The following VPS13A variants were observed in gnomAD, a reference collection of about 807,000 sequenced individuals.
VPS13A encodes intermembrane lipid transfer protein VPS13A.
Under a neutral mutation model 390.9 loss-of-function variants are expected in VPS13A, and 264 were observed. The ratio of observed to expected loss-of-function variants is 0.68; its 90% CI spans 0.61 to 0.75. VPS13A has a LOEUF of 0.75. Among genes scored for constraint, VPS13A ranks in the 30% least tolerant of loss-of-function variants. VPS13A has a pLI of 0.00. For missense variants in VPS13A, 3,409 were observed against 3,733.9 expected (o/e 0.91, Z 2.27); for synonymous variants, 1,231 against 1,227.1 (o/e 1.00, Z -0.07).
At chr9:77,339,938 C>T (rs199682533) in intron 48 of VPS13A, 27 bp downstream of exon 48, 2 of 1,603,212 alleles carry the variant, frequency 1.2e-6, no homozygotes, top group East Asian at 4.5e-5. Context: ...CTGTTTTTCC[C>T]TTGTCTTTAG....
At position 77,221,222 on chromosome 9, in the gene VPS13A, G is replaced by A. The variant is rs1183895122; in HGVS notation, c.1027G>A (p.Val343Ile). The A allele has an allele frequency of 1.2e-6, 2 of 1,613,442 alleles. No individual in the cohort carries two copies. Among genetic ancestry groups the A allele is most frequent in the Middle Eastern group, 1.7e-4 (1 of 6,050 alleles). Residue 343 changes from valine (V) to isoleucine (I), a missense_variant, in exon 13 of 72, where the codon GTT (valine) becomes ATT (isoleucine). Physicochemically the swap from Val to Ile is conservative, Grantham distance 29 (BLOSUM62 3). Around this residue, in one of 5 missense-constraint regions of VPS13A, gnomAD observed 2,717 missense variants for 2,917.4 expected, o/e 0.93. Transcript: ENST00000360280. The stretch of plus-strand genomic sequence containing the variant: ...TATACATGGCGTTCTTGAAGTAAAT[G>A]TTTGCCCCAGGTTATGGATGTGGTC... ...YAIHGVLEVN[V>I]CPRLWMWSWK...
chr9:77,329,293 T>G (rs1212936950), intron 45 of VPS13A, among the ~76,000 whole-genome samples: 1 of 152,224 alleles, frequency 6.6e-6, no homozygotes, highest in Non-Finnish European at 1.5e-5. Context: ...TTCAAAAACT[T>G]TTCCTTTGCA....
At chr9:77,200,285 G>A (rs964583725) in intron 2 of VPS13A, among the ~76,000 whole-genome samples, 2 of 152,078 alleles carry the variant, frequency 1.3e-5, no homozygotes, top group South Asian at 2.1e-4. Context: ...TCAGTAGTTC[G>A]AGACTAGCCT....
Position 77,226,751 on chromosome 9 carries a change from T to A in VPS13A, c.1357+153T>A, listed in dbSNP as rs567242654. On this transcript the variant is annotated intron_variant, in intron 15 of 71. Coordinates refer to ENST00000360280, the MANE Select transcript of VPS13A (RefSeq NM_033305.3). ...AATAAAACTATTAAAACATTGAAAA[T>A]GTGTATTAGTTTAAAAATAAAAAAT... Among the ~76,000 whole-genome samples the A allele has an allele frequency of 2.6e-5, 4 of 152,074 alleles. No individual in the cohort carries two copies. The East Asian group carries it at 5.8e-4, about 22-fold the overall frequency.
chr9:77,370,674 A>C, intron 65 of VPS13A, 96 bp downstream of exon 65: 2 of 1,551,920 alleles, frequency 1.3e-6, no homozygotes, highest in Non-Finnish European at 1.8e-6. Flanking sequence ...CTCACTCCTT[A>C]AATTATTATT....
intron 31 of VPS13A, among the ~76,000 whole-genome samples, chr9:77,287,453 A>C (rs1827399723): frequency 6.6e-6 from 1 of 152,120 alleles, no homozygotes. Context: ...TCGGTCTCCC[A>C]AAGTGCTGTG....
rs570784701 is a variant in VPS13A at position 77,182,846 on chromosome 9, A to T, written c.100+5042A>T. On this transcript the variant is annotated intron_variant, in intron 1 of 71. Transcript: ENST00000360280. ...ATACGTATTCTGTTTTTGAAATGTT[A>T]ATCTCCCAGTTTTCCCTTTATAATA... Among the ~76,000 whole-genome samples, 3 of 152,268 alleles carry T rather than the reference A, an allele frequency of 2.0e-5. No individual in the cohort carries two copies. In the South Asian group the frequency reaches 6.2e-4, roughly 32 times the overall value.
intron 51 of VPS13A, among the ~76,000 whole-genome samples, 193 bp downstream of exon 51, chr9:77,344,474 G>A (rs1348522811): frequency 1.3e-5 from 2 of 152,042 alleles, no homozygotes; most frequent in Non-Finnish European, 2.9e-5. Context: ...AAAGTTAGTT[G>A]GGGCCGGGTG....
intron 39 of VPS13A, among the ~76,000 whole-genome samples, chr9:77,316,689 T>C (rs576774987): frequency 5.3e-4 from 81 of 152,234 alleles, no homozygotes; most frequent in South Asian, 4.8e-3. Context: ...TTTCTAACCA[T>C]GTCAATTCCA....
At position 77,220,083 on chromosome 9, in the gene VPS13A, T is replaced by G. The variant is rs1219455303; in HGVS notation, c.882+2T>G. ...GCAATTGAATTTAATAAACCACAGGTGATTTTCTTTAATATAATTTTCAAT... is the reference window on the plus strand; with the variant it reads ...GCAATTGAATTTAATAAACCACAGGGGATTTTCTTTAATATAATTTTCAAT... On this transcript the variant is annotated splice_donor_variant, in intron 11 of 71. Transcript: ENST00000360280. LOFTEE classifies it high-confidence loss of function. 6.2e-7 allele frequency: 1 copy of G among 1,602,340 alleles called. No individual in the cohort carries two copies.
chr9:77,384,616 C>G, intron 68 of VPS13A: 1 of 1,610,624 alleles, frequency 6.2e-7, no homozygotes, highest in Non-Finnish European at 8.5e-7. Context: ...TGGATTATGA[C>G]TCACAGTAGC....
intron 34 of VPS13A, among the ~76,000 whole-genome samples, chr9:77,306,334 G>A (rs1017700607): frequency 9.2e-5 from 14 of 151,902 alleles, no homozygotes; most frequent in African/African-American, 2.9e-4. Flanking sequence ...TTAGAAGTGA[G>A]CCAAACTCAA....
intron 39 of VPS13A, 92 bp downstream of exon 39, chr9:77,316,498 C>T: frequency 9.8e-7 from 1 of 1,023,540 alleles, no homozygotes; most frequent in South Asian, 1.3e-5. Context: ...ACATGCTTTC[C>T]AACCTTGCTC....
intron 71 of VPS13A, among the ~76,000 whole-genome samples, chr9:77,409,490 C>G (rs535921773): frequency 6.6e-6 from 1 of 152,224 alleles, no homozygotes; most frequent in East Asian, 1.9e-4. Context: ...TTCAGATGAT[C>G]AAACTACACC....
At chr9:77,283,260 C>A in intron 29 of VPS13A, 95 bp from the exon 30 acceptor site, 1 of 745,764 alleles carries the variant, frequency 1.3e-6, no homozygotes, top group Admixed American at 2.3e-5. Flanking sequence ...TCTGATATCA[C>A]TATTTGTGGT....
chr9:77,411,660 C>CAAAAAAAAAAAAAAAAAAAAAA lies in VPS13A; in HGVS notation c.9474+4057_9474+4078dup, dbSNP rs1169254413. Among the ~76,000 whole-genome samples, 34 of 33,916 alleles carry CAAAAAAAAAAAAAAAAAAAAAA rather than the reference C, an allele frequency of 1.0e-3. 1 individual carries two copies. The highest frequency in any genetic ancestry group is 2.0e-3 in the South Asian group (1 of 502). The allele number at this position is 33,916 out of a possible 152,430, so 22.3% of individuals were successfully genotyped here. A position where few individuals can be genotyped will look rare whatever the true frequency, so the allele number is the denominator to read the frequency against. Reference sequence around the variant, plus strand: ...CCTAGGCAACAGCAAAACTCCATCTCAAAAAAAAAAAAAAAAAAAAAAAAA... The same window carrying CAAAAAAAAAAAAAAAAAAAAAA: ...CCTAGGCAACAGCAAAACTCCATCTCAAAAAAAAAAAAAAAAAAAAAAAAAAAAAAAAAAAAAAAAAAAAAAA... On this transcript the variant is annotated intron_variant, in intron 71 of 71. Coordinates refer to ENST00000360280, the MANE Select transcript of VPS13A (RefSeq NM_033305.3).
At chr9:77,319,229 TTGAA>T (rs1829597213) in intron 41 of VPS13A, among the ~76,000 whole-genome samples, 1 of 150,144 alleles carries the variant, frequency 6.7e-6, no homozygotes, top group South Asian at 2.1e-4. Flanking sequence ...AGAGTTAAAG[TTGAA>T]TACCCTTTTT....
rs1831003603 is a variant in VPS13A at position 77,344,159 on chromosome 9, C to A, written c.7033C>A (p.Pro2345Thr). 6.3e-7 allele frequency: 1 copy of A among 1,594,940 alleles called. No individual in the cohort carries two copies. Among genetic ancestry groups the A allele is most frequent in the Non-Finnish European group, 8.6e-7 (1 of 1,163,552 alleles). Residue 2345 changes from proline (P) to threonine (T), a missense_variant, in exon 51 of 72, where the codon CCC becomes ACC. Physicochemically the swap from Pro to Thr is conservative, Grantham distance 38 (BLOSUM62 -1). Transcript: ENST00000360280. ...TATATAATGTATATTTTAGTGTATCCCCTTTTGGCCTGAGTATGCTTCTAG... is the reference window on the plus strand; with the variant it reads ...TATATAATGTATATTTTAGTGTATCACCTTTTGGCCTGAGTATGCTTCTAG... ...WLSLDLEQCI[P>T]FWPEYASSKL...
At chr9:77,268,539 A>G (rs915959238) in intron 23 of VPS13A, among the ~76,000 whole-genome samples, 2 of 152,036 alleles carry the variant, frequency 1.3e-5, no homozygotes, top group Non-Finnish European at 2.9e-5. Context: ...TGCGGAAATC[A>G]CTGGCCTTCT....
Sources: gnomAD v4.1 joint callset for allele counts (sites outside exome capture counted in the v4.1 genomes callset) on GRCh38, gnomAD v4.1.1 for gene constraint, gnomAD v4.1.1 regional missense constraint, MANE v1.5 for transcripts, NCBI Gene and HGNC (gene_info 2026-07-23, HGNC 2026-07-21) for gene names.